The following CMIP variants were observed in gnomAD, a reference collection of about 807,000 sequenced individuals.
The protein encoded by CMIP is C-Maf-inducing protein.
A neutral mutation model predicts 97.3 loss-of-function variants in CMIP; 13 were observed. The observed-to-expected ratio is 0.13, with a 90% CI of 0.09 to 0.21. CMIP has a LOEUF of 0.21. CMIP is among the 10% of genes least tolerant of loss of function. The pLI, the probability that CMIP is intolerant of heterozygous loss-of-function variation, is 1.00. For missense variants in CMIP, 847 were observed against 1,024.9 expected, an observed-to-expected ratio of 0.83 and a Z score of 2.37; for synonymous variants, 538 against 436.3, an observed-to-expected ratio of 1.23 and a Z score of -2.91.
intron 3 of CMIP, among the ~76,000 whole-genome samples, chr16:81,642,080 T>C (rs2092312803): frequency 6.6e-6 from 1 of 152,276 alleles, no homozygotes. Context: ...GGACCTGGCC[T>C]ATGGAGTGCC....
rs1319090165 is a variant in CMIP, at chr16:81,614,019, G to T, written c.426+6327G>T. Among the ~76,000 whole-genome samples the T allele has an allele frequency of 1.3e-5, 2 of 152,216 alleles. No individual in the cohort carries two copies. The highest frequency in any genetic ancestry group is 4.8e-5 in the African/African-American group (2 of 41,454). On this transcript the variant is annotated intron_variant, in intron 2 of 20. Transcript: ENST00000537098. This position sits in a 1 kb window ranked among gnomAD's most constrained non-coding sequence, Gnocchi z 5.3. ...GCAGAAGAAGGACAACTAGACAGGC[G>T]ATTCCAGGACAGTGTGATGCGTTAG...
chr16:81,704,162 C>A, intron 18 of CMIP, 77 bp downstream of exon 18: 1 of 1,343,568 alleles, frequency 7.4e-7, no homozygotes, highest in South Asian at 1.3e-5. Context: ...TTCCCCCGTA[C>A]CATCTTCCTT....
chr16:81,611,463 C>G (rs1394411846), intron 2 of CMIP: 1 of 152,638 alleles, frequency 6.6e-6, no homozygotes, highest in Non-Finnish European at 1.5e-5. Context: ...CTTCCCTACC[C>G]CAGCCTGCCT....
chr16:81,588,548 C>A (rs1162079527), intron 1 of CMIP, among the ~76,000 whole-genome samples: 1 of 152,198 alleles, frequency 6.6e-6, no homozygotes, highest in African/African-American at 2.4e-5. Flanking sequence ...GTGACAATTA[C>A]ATCATTACCT....
chr16:81,545,230 G>A (rs1286382649), intron 1 of CMIP, among the ~76,000 whole-genome samples: 2 of 152,174 alleles, frequency 1.3e-5, no homozygotes, highest in South Asian at 2.1e-4. Flanking sequence ...CTGACCACAG[G>A]TACTGTGGTG....
chr16:81,706,914 G>T (rs1908213982), intron 19 of CMIP, 100 bp from the exon 20 acceptor site: 4 of 953,048 alleles, frequency 4.2e-6, no homozygotes, highest in Non-Finnish European at 5.0e-6. Flanking sequence ...TCCTAACAGG[G>T]GGCCTGGCAC....
At chr16:81,687,056 T>G (rs2151072337) in intron 10 of CMIP, among the ~76,000 whole-genome samples, 1 of 152,312 alleles carries the variant, frequency 6.6e-6, no homozygotes, top group East Asian at 1.9e-4. Flanking sequence ...GAAGTCAGCA[T>G]CCCACTCGAT....
intron 1 of CMIP, among the ~76,000 whole-genome samples, chr16:81,492,953 G>C (rs1458963430): frequency 2.6e-5 from 4 of 152,138 alleles, no homozygotes; most frequent in Non-Finnish European, 5.9e-5. Context: ...GCCCGTGAGC[G>C]AGAAGATGCA....
At position 81,691,793 on chromosome 16, in the gene CMIP, G is replaced by C. The variant is rs1906109254; in HGVS notation, c.1407G>C (p.Trp469Cys). ...ATTCTAGGTCAGACTATGATGACTG[G>C]AGACCGTCTCTGGCCAGTTTGCTTC... ...ILKLLSDYDDWRPSLASLLQP... is the reference protein window; with the variant it reads ...ILKLLSDYDDCRPSLASLLQP... Residue 469 changes from tryptophan to cysteine, a missense_variant, in exon 11 of 21, where the codon TGG becomes TGC. By Grantham distance (215) the Trp-to-Cys change is radical. Coordinates refer to ENST00000537098, the MANE Select transcript of CMIP (RefSeq NM_198390.3). The C allele has an allele frequency of 6.2e-7, 1 of 1,613,926 alleles. No individual in the cohort carries two copies. Among genetic ancestry groups the C allele is most frequent in the Non-Finnish European group, 8.5e-7 (1 of 1,179,858 alleles).
intron 15 of CMIP, among the ~76,000 whole-genome samples, chr16:81,701,392 G>A (rs1204352301): frequency 6.6e-6 from 1 of 152,210 alleles, no homozygotes; most frequent in Non-Finnish European, 1.5e-5. Flanking sequence ...CCTGCCCCAT[G>A]TCCAGACACC....
At chr16:81,689,753 G>T (rs1905839740) in intron 10 of CMIP, among the ~76,000 whole-genome samples, 1 of 152,204 alleles carries the variant, frequency 6.6e-6, no homozygotes, top group South Asian at 2.1e-4. Context: ...GAAAGGTATT[G>T]CCTAGGTTTT....
chr16:81,579,153 C>G (rs2150902435), intron 1 of CMIP, among the ~76,000 whole-genome samples: 1 of 152,276 alleles, frequency 6.6e-6, no homozygotes, highest in African/African-American at 2.4e-5. Flanking sequence ...GGGATGGCAC[C>G]CCCCTGCCTC....
In CMIP at chr16:81,632,244, A is replaced by G. The variant is rs183505008; in HGVS notation, c.477+11318A>G. On this transcript the variant is annotated intron_variant, in intron 3 of 20. Coordinates refer to ENST00000537098, the MANE Select transcript of CMIP (RefSeq NM_198390.3). ...TTTAACAAAAATAAAATGCACGTAC[A>G]TAGGTGGTAGTCCTAAAAAGTATAG... 3.9e-5 allele frequency among the ~76,000 whole-genome samples: 6 copies of G among 152,330 alleles called. No homozygotes were observed. In the East Asian group the frequency reaches 1.2e-3, roughly 29 times the overall value.
intron 1 of CMIP, among the ~76,000 whole-genome samples, chr16:81,549,811 C>T (rs1450994303): frequency 1.3e-5 from 2 of 152,160 alleles, no homozygotes; most frequent in African/African-American, 4.8e-5. Flanking sequence ...CGTTCTCTTC[C>T]CATGTGGAGA....
chr16:81,542,437 A>T (rs1597532587), intron 1 of CMIP, among the ~76,000 whole-genome samples: 1 of 152,168 alleles, frequency 6.6e-6, no homozygotes, highest in Non-Finnish European at 1.5e-5. Context: ...GATTGGTAGC[A>T]TGGCGTGCGT....
chr16:81,500,807 C>G (rs917460470), intron 1 of CMIP, among the ~76,000 whole-genome samples: 2 of 151,956 alleles, frequency 1.3e-5, no homozygotes, highest in African/African-American at 4.8e-5. Flanking sequence ...TGTTTCCTTT[C>G]CCTCCCTCTC....
Position 81,445,321 on chromosome 16 carries a change from T to C in CMIP, c.80T>C (p.Val27Ala), listed in dbSNP as rs763186205. ...EETKPLLGGDVSAPEGTKMGA... is the reference protein window; with the variant it reads ...EETKPLLGGDASAPEGTKMGA... ...ACCAAGCCGCTGCTGGGGGGCGACG[T>C]GTCGGCCCCCGAAGGCACGAAGATG... Residue 27 changes from valine to alanine, a missense_variant, in exon 1 of 21, where the codon GTG becomes GCG. Coordinates refer to ENST00000537098, the MANE Select transcript of CMIP (RefSeq NM_198390.3). 3.6e-5 allele frequency: 57 copies of C among 1,581,708 alleles called. No homozygotes were observed. Among genetic ancestry groups the C allele is most frequent in the Non-Finnish European group, 1.2e-5 (14 of 1,165,350 alleles).
intron 3 of CMIP, among the ~76,000 whole-genome samples, chr16:81,626,428 G>GT (rs2092064852): frequency 6.8e-6 from 1 of 147,144 alleles, no homozygotes; most frequent in Admixed American, 6.9e-5. Flanking sequence ...GTGTGTGTGG[G>GT]GTGTGGGATG....
chr16:81,506,168 G>T (rs2089705749), intron 1 of CMIP, among the ~76,000 whole-genome samples: 1 of 152,204 alleles, frequency 6.6e-6, no homozygotes, highest in African/African-American at 2.4e-5. Flanking sequence ...CCAAGGCTCG[G>T]AGAGGTTAAG....
Sources: allele counts gnomAD v4.1 joint callset (sites outside exome capture counted in the v4.1 genomes callset), GRCh38; gene constraint gnomAD v4.1.1; non-coding constraint Gnocchi (gnomAD v3.1); transcripts MANE v1.5; gene names NCBI Gene and HGNC (gene_info 2026-07-23, HGNC 2026-07-21).